The following CRACDL variants were observed in gnomAD, a reference collection of about 807,000 sequenced individuals.
CRACDL encodes CRACD like.
A neutral mutation model predicts 70.6 loss-of-function variants in CRACDL; 26 were observed. The ratio of observed to expected loss-of-function variants is 0.37; its 90% confidence interval spans 0.27 to 0.51. The LOEUF (loss-of-function observed/expected upper bound fraction) is 0.51. Among genes scored for constraint, CRACDL ranks in the 20% least tolerant of loss-of-function variants. The probability of loss-of-function intolerance (pLI) is 0.94; values close to 1 mark genes in which losing one functional copy is unlikely to be tolerated. For synonymous variants in CRACDL, 618 were observed against 615.2 expected, an observed-to-expected ratio of 1.00 and a Z score of -0.07; for missense variants, 1,283 against 1,376.9, an observed-to-expected ratio of 0.93 and a Z score of 1.08.
chr2:98,868,986 GGAT>G (rs1707245282), intron 1 of CRACDL: 3 of 667,302 alleles, frequency 4.5e-6, no homozygotes. Flanking sequence ...AGGCCTCAGG[GGAT>G]GGTGGCCACC....
At chr2:98,803,031 G>A (rs560513424) in intron 7 of CRACDL, among the ~76,000 whole-genome samples, 3 of 140,358 alleles carry the variant, frequency 2.1e-5, no homozygotes, top group Admixed American at 1.5e-4. Flanking sequence ...ATGGAGTCTC[G>A]CTCTGTTGCC....
At chr2:98,892,713 A>T (rs138423359) in intron 1 of CRACDL, among the ~76,000 whole-genome samples, 2,691 of 152,132 alleles carry the variant, frequency 0.018, 88 homozygotes, top group African/African-American at 0.061. Context: ...ATAAAATAAA[A>T]TTTTTTTAAA....
intron 2 of CRACDL, among the ~76,000 whole-genome samples, chr2:98,841,280 C>T (rs1706015648): frequency 6.6e-6 from 1 of 151,882 alleles, no homozygotes; most frequent in South Asian, 2.1e-4. Context: ...TTAACTAGTC[C>T]ACTCACACTC....
intron 3 of CRACDL, 38 bp downstream of exon 3, chr2:98,838,081 A>C (rs1215227821): frequency 1.7e-5 from 26 of 1,544,396 alleles, no homozygotes; most frequent in Non-Finnish European, 2.2e-5. Context: ...TCATGTATTT[A>C]GGTGCTCCTG....
At chr2:98,911,351 C>T (rs1460004765) in intron 1 of CRACDL, among the ~76,000 whole-genome samples, 2 of 152,252 alleles carry the variant, frequency 1.3e-5, no homozygotes, top group Admixed American at 6.5e-5. Flanking sequence ...GGGCTGGTAC[C>T]GGCAGAGGGA....
At chr2:98,924,337 G>A (rs1708866817) in intron 1 of CRACDL, among the ~76,000 whole-genome samples, 1 of 152,208 alleles carries the variant, frequency 6.6e-6, no homozygotes, top group South Asian at 2.1e-4. Context: ...TTGGTCTCCT[G>A]GGCTGGGGAC....
In CRACDL at chr2:98,853,050, G is replaced by T. The variant is rs1210606678; in HGVS notation, c.-10-6240C>A. ...AGGGAAAGGGAAGGGAAGGGGAAAGGGAAGGGGGGGCATTAAAAATATTTG... is the reference window on the plus strand; with the variant it reads ...AGGGAAAGGGAAGGGAAGGGGAAAGTGAAGGGGGGGCATTAAAAATATTTG... On this transcript the variant is annotated intron_variant, in intron 1 of 9. Coordinates refer to ENST00000397899, the MANE Select transcript of CRACDL (RefSeq NM_207362.3). 5.9e-5 allele frequency among the ~76,000 whole-genome samples: 8 copies of T among 136,258 alleles called. 1 individual carries two copies. The highest frequency in any genetic ancestry group is 2.2e-4 in the African/African-American group (8 of 36,854). 89.4% of individuals were successfully genotyped at this position (136,258 alleles called of 152,430 possible).
At chr2:98,926,133 T>C (rs532257863) in intron 1 of CRACDL, among the ~76,000 whole-genome samples, 5 of 152,300 alleles carry the variant, frequency 3.3e-5, no homozygotes, top group South Asian at 2.1e-4. Context: ...CCCCTCAAAA[T>C]TGAAGAAAAC....
At chr2:98,851,297 C>T (rs1458700664) in intron 1 of CRACDL, among the ~76,000 whole-genome samples, 1 of 152,164 alleles carries the variant, frequency 6.6e-6, no homozygotes, top group Non-Finnish European at 1.5e-5. Context: ...AGTGCCCGAC[C>T]AGAGAACTGA....
chr2:98,916,827 G>A (rs1302116493), intron 1 of CRACDL, among the ~76,000 whole-genome samples: 2 of 152,190 alleles, frequency 1.3e-5, no homozygotes, highest in Non-Finnish European at 2.9e-5. Context: ...ACACAGGGCA[G>A]AGCAGCTGCC....
chr2:98,795,882 T>C (rs537910375), intron 9 of CRACDL, among the ~76,000 whole-genome samples: 50 of 152,322 alleles, frequency 3.3e-4, no homozygotes, highest in African/African-American at 1.2e-3. Flanking sequence ...AAAGTCAGCA[T>C]TTAAGTAGAC....
chr2:98,842,172 C>T (rs1421727153), intron 2 of CRACDL, among the ~76,000 whole-genome samples: 2 of 152,060 alleles, frequency 1.3e-5, no homozygotes, highest in Non-Finnish European at 2.9e-5. Context: ...TTCACTTACT[C>T]TCTATGCCCC....
rs142149346 is a variant in CRACDL, at chr2:98,925,673, G to A, written c.-11+10265C>T. Among the ~76,000 whole-genome samples the A allele has an allele frequency of 4.5e-3, 689 of 152,246 alleles. 2 individuals are homozygous for A. The highest frequency in any genetic ancestry group is 7.3e-3 in the Non-Finnish European group (494 of 68,012). On this transcript the variant is annotated intron_variant, in intron 1 of 9. Coordinates refer to ENST00000397899, the MANE Select transcript of CRACDL (RefSeq NM_207362.3). ...GTGGGCTCACAGCTCTCACTCACCAGCTATGCAATCCTGCCAAAGTGACTT... is the reference window on the plus strand; with the variant it reads ...GTGGGCTCACAGCTCTCACTCACCAACTATGCAATCCTGCCAAAGTGACTT...
At chr2:98,934,117 G>T (rs931395329) in intron 1 of CRACDL, among the ~76,000 whole-genome samples, 23 of 151,870 alleles carry the variant, frequency 1.5e-4, no homozygotes, top group African/African-American at 5.6e-4. Flanking sequence ...TTTTTGGGGG[G>T]ACACAAACAT....
Position 98,822,545 on chromosome 2 carries a change from C to T in CRACDL, c.1728G>A (p.Val576=). Reference sequence around the variant, plus strand: ...GACGAGGCCGCGCTCGGCACGAGGACACCGAGAACTTCTTCGCGCCTCGCA... The same window carrying T: ...GACGAGGCCGCGCTCGGCACGAGGATACCGAGAACTTCTTCGCGCCTCGCA... ...AELRGAKKFS[V]SSCRARPRPG... is the part of the protein sequence containing the mutation. The change falls in exon 7 of 10, where the codon GTG becomes GTA. Residue 576 remains valine, a synonymous_variant. Coordinates refer to ENST00000397899, the MANE Select transcript of CRACDL (RefSeq NM_207362.3). This position sits in a 1 kb window ranked among gnomAD's most constrained non-coding sequence, Gnocchi z 4.9. 1 of 1,468,474 alleles carries T rather than the reference C, an allele frequency of 6.8e-7. No homozygotes were observed. Among genetic ancestry groups the T allele is most frequent in the South Asian group, 1.3e-5 (1 of 77,386 alleles). 91.0% of individuals were successfully genotyped at this position (1,468,474 alleles called of 1,614,324 possible).
intron 1 of CRACDL, among the ~76,000 whole-genome samples, chr2:98,933,716 C>T (rs570997628): frequency 6.6e-6 from 1 of 152,306 alleles, no homozygotes; most frequent in African/African-American, 2.4e-5. Context: ...CCCACCAGGA[C>T]ATCACAGAAA....
chr2:98,874,883 A>G (rs1346606667), intron 1 of CRACDL, among the ~76,000 whole-genome samples: 1 of 152,086 alleles, frequency 6.6e-6, no homozygotes, highest in Non-Finnish European at 1.5e-5. Flanking sequence ...TCGGCTCATG[A>G]AGGCAACCTA....
chr2:98,837,932 G>A (rs1705866390), intron 3 of CRACDL, among the ~76,000 whole-genome samples, 187 bp downstream of exon 3: 1 of 152,104 alleles, frequency 6.6e-6, no homozygotes, highest in South Asian at 2.1e-4. Context: ...CACAGTTATT[G>A]TGGACTTAAA....
At chr2:98,828,737 A>G (rs1484503360) in intron 5 of CRACDL, among the ~76,000 whole-genome samples, 2 of 152,248 alleles carry the variant, frequency 1.3e-5, no homozygotes, top group African/African-American at 4.8e-5. Context: ...AAAAGTGGAC[A>G]TAATCTATTT....
Sources: allele counts gnomAD v4.1 joint callset (sites outside exome capture counted in the v4.1 genomes callset), GRCh38; gene constraint gnomAD v4.1.1; non-coding constraint Gnocchi (gnomAD v3.1); transcripts MANE v1.5; gene names NCBI Gene and HGNC (gene_info 2026-07-23, HGNC 2026-07-21).